The following FAM171B variants were observed in gnomAD, a reference collection of about 807,000 sequenced individuals.
FAM171B encodes protein FAM171B.
Under a neutral mutation model 75.6 loss-of-function variants are expected in FAM171B, and 19 were observed. That is an observed-to-expected ratio of 0.25 (90% CI 0.18 to 0.37). FAM171B has a LOEUF of 0.37. FAM171B is among the 10% of genes least tolerant of loss of function. FAM171B has a pLI of 1.00. For synonymous variants in FAM171B, 367 were observed against 361.7 expected (o/e 1.01, Z -0.17); for missense variants, 848 against 982.4 (o/e 0.86, Z 1.83).
intron 1 of FAM171B, among the ~76,000 whole-genome samples, chr2:186,720,629 G>A (rs944780351): frequency 2.7e-5 from 4 of 149,772 alleles, no homozygotes; most frequent in South Asian, 2.1e-4. Flanking sequence ...TCTGAAAAAT[G>A]GGATTAGGAA....
chr2:186,741,723 T>G (rs2105786315), intron 2 of FAM171B, among the ~76,000 whole-genome samples: 1 of 152,278 alleles, frequency 6.6e-6, no homozygotes, highest in South Asian at 2.1e-4. Flanking sequence ...AAGTACAAAC[T>G]GGCAAAATTA....
At position 186,714,507 on chromosome 2, in the gene FAM171B, A is replaced by G. The variant is rs868216179; in HGVS notation, c.238+20096A>G. On this transcript the variant is annotated intron_variant, in intron 1 of 7. Coordinates refer to ENST00000304698, the MANE Select transcript of FAM171B (RefSeq NM_177454.4). ...AAGAAAGTCATGAATTATAAAGGCC[A>G]AACAGGATCCATCAGGAGTTTACTA... 2.7e-4 allele frequency among the ~76,000 whole-genome samples: 41 copies of G among 152,354 alleles called. 1 individual carries two copies. The highest frequency in any genetic ancestry group is 3.4e-3 in the Middle Eastern group (1 of 294).
At chr2:186,695,066 A>T (rs947028739) in intron 1 of FAM171B, 6 of 152,278 alleles carry the variant, frequency 3.9e-5, no homozygotes, top group Non-Finnish European at 7.3e-5. Flanking sequence ...TAATTGAAGG[A>T]AAGGGAAAAG....
intron 1 of FAM171B, among the ~76,000 whole-genome samples, chr2:186,696,717 G>C (rs1404454253): frequency 6.6e-6 from 1 of 151,756 alleles, no homozygotes; most frequent in African/African-American, 2.4e-5. Context: ...CTGGAATTCT[G>C]GAACTTCACA....
chr2:186,726,905 A>G (rs1489860946), intron 1 of FAM171B, among the ~76,000 whole-genome samples: 4 of 152,164 alleles, frequency 2.6e-5, no homozygotes, highest in Non-Finnish European at 4.4e-5. Flanking sequence ...TTTTTACCCA[A>G]TACTGGGGCT....
chr2:186,697,702 G>C (rs557863958), intron 1 of FAM171B, among the ~76,000 whole-genome samples: 7 of 152,164 alleles, frequency 4.6e-5, no homozygotes, highest in Admixed American at 3.3e-4. Flanking sequence ...ACTTTTCTCA[G>C]GCAAAATTTA....
intron 4 of FAM171B, among the ~76,000 whole-genome samples, chr2:186,749,499 T>G (rs759527294): frequency 2.0e-5 from 3 of 152,222 alleles, no homozygotes; most frequent in Non-Finnish European, 4.4e-5. Context: ...TGCCAGCCTA[T>G]AAAATATGTA....
At chr2:186,735,114 G>A (rs1379554566) in intron 1 of FAM171B, among the ~76,000 whole-genome samples, 6 of 152,194 alleles carry the variant, frequency 3.9e-5, no homozygotes, top group Non-Finnish European at 8.8e-5. Flanking sequence ...GCTCCCTCTG[G>A]CCTTGTGGAT....
chr2:186,718,160 G>T lies in FAM171B; in HGVS notation c.239-22068G>T, dbSNP rs1193015735. ...GCTCTAATTTTGGTTTTCTTTTCTT[G>T]CTCCTAAACTATTTCAATAGCTAAT... On this transcript the variant is annotated intron_variant, in intron 1 of 7. Transcript: ENST00000304698. Among the ~76,000 whole-genome samples the T allele has an allele frequency of 2.7e-5, 4 of 150,224 alleles. No homozygotes were observed. In the South Asian group the frequency reaches 8.5e-4, roughly 32 times the overall value.
At chr2:186,757,218 C>T (rs537502377) in intron 6 of FAM171B, among the ~76,000 whole-genome samples, 1 of 152,128 alleles carries the variant, frequency 6.6e-6, no homozygotes, top group South Asian at 2.1e-4. Flanking sequence ...TGAGCCTGCC[C>T]AGAGTCAAGT....
Position 186,762,613 on chromosome 2 carries a change from C to G in FAM171B, c.2271C>G (p.Asp757Glu). 1 of 1,613,276 alleles carries G rather than the reference C, an allele frequency of 6.2e-7. No individual in the cohort carries two copies. Among genetic ancestry groups the G allele is most frequent in the East Asian group, 2.2e-5 (1 of 44,842 alleles). The change falls in exon 8 of 8, where the codon GAC becomes GAG. Residue 757 changes from aspartate (D) to glutamate (E), a missense_variant. Asp to Glu is a conservative substitution (Grantham distance 45). This residue lies in a region of FAM171B where 136 missense variants were observed against 159.3 expected (regional missense o/e 0.85). Coordinates refer to ENST00000304698, the MANE Select transcript of FAM171B (RefSeq NM_177454.4). This position sits in a 1 kb window ranked among gnomAD's most constrained non-coding sequence, Gnocchi z 4.0. ...GAACCACCGTCTGTTCCCCTGAGGA[C>G]CCAGCTTTAAGGCACATCCTAGATG... Reference protein sequence around the residue: ...ESGTTVCSPEDPALRHILDGG... With the variant: ...ESGTTVCSPEEPALRHILDGG...
At position 186,765,782 on chromosome 2, in the gene FAM171B, C is replaced by CA. The variant is rs1324225614; in HGVS notation, c.*2960dup. 1 of 152,058 alleles carries CA rather than the reference C, an allele frequency of 6.6e-6. No homozygotes were observed. The highest frequency in any genetic ancestry group is 2.4e-5 in the African/African-American group (1 of 41,436). The allele number at this position is 152,058 out of a possible 1,614,324, so 9.4% of individuals were successfully genotyped here. ...ATTTCTATTTCAGATCTAGAATTGA[C>CA]ATTTTGCCTTCTTGTTTCCAGGTGT... On this transcript the variant is annotated 3_prime_UTR_variant, in exon 8 of 8. Transcript: ENST00000304698.
intron 2 of FAM171B, 151 bp from the exon 3 acceptor site, chr2:186,743,332 A>C (rs984787642): frequency 7.0e-6 from 4 of 575,044 alleles, no homozygotes; most frequent in African/African-American, 3.8e-5. Flanking sequence ...TTTTACATTC[A>C]TTCTTCCTTT....
intron 1 of FAM171B, among the ~76,000 whole-genome samples, chr2:186,733,503 T>C (rs1344948559): frequency 1.3e-5 from 2 of 152,208 alleles, no homozygotes. Flanking sequence ...TGGTGGCTCC[T>C]TTGCCCAAGT....
intron 6 of FAM171B, among the ~76,000 whole-genome samples, chr2:186,756,022 A>C (rs993028486): frequency 6.6e-6 from 1 of 152,224 alleles, no homozygotes; most frequent in Non-Finnish European, 1.5e-5. Flanking sequence ...CATTTTTAAT[A>C]AAAATAACCT....
intron 1 of FAM171B, among the ~76,000 whole-genome samples, chr2:186,696,600 C>G (rs1473778663): frequency 6.7e-6 from 1 of 149,698 alleles, no homozygotes; most frequent in African/African-American, 2.5e-5. Flanking sequence ...CTCCCGTCTC[C>G]TTTAGCCCTT....
intron 1 of FAM171B, among the ~76,000 whole-genome samples, chr2:186,715,264 A>G (rs1689858649): frequency 6.6e-6 from 1 of 152,090 alleles, no homozygotes; most frequent in African/African-American, 2.4e-5. Context: ...TGTAAGTGGC[A>G]CAATCACAGC....
intron 1 of FAM171B, among the ~76,000 whole-genome samples, chr2:186,731,640 A>G (rs937581849): frequency 6.6e-6 from 1 of 152,184 alleles, no homozygotes; most frequent in Admixed American, 6.5e-5. Flanking sequence ...TGTCATATAT[A>G]TCGGGTCTGA....
chr2:186,711,373 G>T (rs1264065463), intron 1 of FAM171B, among the ~76,000 whole-genome samples: 2 of 152,116 alleles, frequency 1.3e-5, no homozygotes, highest in Non-Finnish European at 2.9e-5. Flanking sequence ...TACAGCATTG[G>T]CTGTCTGCTA....
Sources: gnomAD v4.1 joint callset for allele counts (sites outside exome capture counted in the v4.1 genomes callset) on GRCh38, gnomAD v4.1.1 for gene constraint, gnomAD v4.1.1 regional missense constraint, Gnocchi (gnomAD v3.1) non-coding constraint, MANE v1.5 for transcripts, NCBI Gene and HGNC (gene_info 2026-07-23, HGNC 2026-07-21) for gene names.